RPIA: variants seen among roughly 807,000 people sequenced by gnomAD.
RPIA encodes the protein ribose 5-phosphate isomerase A, also known as ribose-5-phosphate isomerase.
A neutral mutation model predicts 37.8 loss-of-function variants in RPIA; 29 were observed. That is an observed-to-expected ratio of 0.77 (90% CI 0.57 to 1.05). The LOEUF is 1.05. RPIA is among the 50% of genes least tolerant of loss of function. The probability of loss-of-function intolerance (pLI) is 0.00; values close to 1 mark genes in which losing one functional copy is unlikely to be tolerated. For missense variants in RPIA, 385 were observed against 413.6 expected, an observed-to-expected ratio of 0.93 and a Z score of 0.60; for synonymous variants, 167 against 157.0, an observed-to-expected ratio of 1.06 and a Z score of -0.48.
intron 8 of RPIA, among the ~76,000 whole-genome samples, chr2:88,741,594 G>T (rs1026158000): frequency 5.3e-5 from 8 of 152,182 alleles, no homozygotes; most frequent in Non-Finnish European, 1.0e-4. Context: ...ATACCCAGTA[G>T]TGGTTTTGCT....
chr2:88,739,918 CTTTAGTTTGTTATTTTAG>C (rs1451269581), intron 8 of RPIA, among the ~76,000 whole-genome samples: 4 of 152,120 alleles, frequency 2.6e-5, no homozygotes, highest in Admixed American at 6.5e-5. Flanking sequence ...CCCAATTCTA[CTTTAGTTTGTTATTTTAG>C]TTTAGTTTGT....
At chr2:88,715,047 G>A (rs886609751) in intron 3 of RPIA, among the ~76,000 whole-genome samples, 1 of 152,190 alleles carries the variant, frequency 6.6e-6, no homozygotes, top group Non-Finnish European at 1.5e-5. Context: ...CCACACAATA[G>A]GTTCGTCACT....
At chr2:88,739,895 C>T (rs1460279015) in intron 8 of RPIA, among the ~76,000 whole-genome samples, 3 of 152,136 alleles carry the variant, frequency 2.0e-5, no homozygotes, top group African/African-American at 2.4e-5. Flanking sequence ...AGGTGTGAAC[C>T]GCTGTGCCTG....
chr2:88,691,905 C>T lies in RPIA; in HGVS notation c.207C>T (p.Cys69=). 6.3e-7 allele frequency: 1 copy of T among 1,594,834 alleles called. No homozygotes were observed. The highest frequency in any genetic ancestry group is 8.5e-7 in the Non-Finnish European group (1 of 1,171,690). Reference sequence around the variant, plus strand: ...GCTGCGGGGACTCCAACAGCATCTGCCCGGCCCCCTCCACGATGTCCAAGG... The same window carrying T: ...GCTGCGGGGACTCCAACAGCATCTGTCCGGCCCCCTCCACGATGTCCAAGG... The part of the protein sequence containing the change: ...STSCGDSNSI[C]PAPSTMSKAE... The change falls in exon 1 of 9, where the codon TGC becomes TGT. Residue 69 remains cysteine, a synonymous_variant. Coordinates refer to ENST00000283646, the MANE Select transcript of RPIA (RefSeq NM_144563.3).
intron 1 of RPIA, among the ~76,000 whole-genome samples, chr2:88,697,723 T>C (rs1205013876): frequency 2.6e-5 from 4 of 152,258 alleles, no homozygotes; most frequent in Non-Finnish European, 5.9e-5. Context: ...ATGAAGACTA[T>C]TTTTCATGTT....
intron 3 of RPIA, among the ~76,000 whole-genome samples, chr2:88,701,250 CTTT>C (rs566674003): frequency 2.8e-5 from 4 of 141,486 alleles, no homozygotes; most frequent in Non-Finnish European, 3.1e-5. Context: ...TTTTATATAG[CTTT>C]TTTTTTTTTT....
intron 8 of RPIA, among the ~76,000 whole-genome samples, chr2:88,748,210 G>A (rs763558677): frequency 3.3e-5 from 5 of 152,104 alleles, no homozygotes; most frequent in Admixed American, 6.5e-5. Flanking sequence ...TTACACTAGC[G>A]GTAGCCTGCT....
Position 88,729,300 on chromosome 2 carries a change from A to G in RPIA, c.425A>G (p.Tyr142Cys), listed in dbSNP as rs773970466. ...CAGGCCCGCCAGCTCATCCTGCAGTATGGCTTGACCCTCAGTGATCTGGAT... is the reference window on the plus strand; with the variant it reads ...CAGGCCCGCCAGCTCATCCTGCAGTGTGGCTTGACCCTCAGTGATCTGGAT... ...SFQARQLILQ[Y>C]GLTLSDLDRH... Residue 142 changes from tyrosine to cysteine, a missense_variant, in exon 4 of 9, where the codon TAT becomes TGT. Coordinates refer to ENST00000283646, the MANE Select transcript of RPIA (RefSeq NM_144563.3). 25 of 1,614,184 alleles carry G rather than the reference A, an allele frequency of 1.5e-5. No homozygotes were observed. The highest frequency in any genetic ancestry group is 2.1e-5 in the Non-Finnish European group (25 of 1,180,028).
chr2:88,709,308 G>A (rs557372624), intron 3 of RPIA, among the ~76,000 whole-genome samples: 143 of 152,346 alleles, frequency 9.4e-4, no homozygotes, highest in Non-Finnish European at 1.4e-3. Flanking sequence ...AACTCAGTGA[G>A]AGAACATTCA....
intron 3 of RPIA, among the ~76,000 whole-genome samples, chr2:88,712,999 G>A (rs1434344756): frequency 6.6e-6 from 1 of 151,008 alleles, no homozygotes; most frequent in Non-Finnish European, 1.5e-5. Flanking sequence ...CTCCCAAGTA[G>A]CTGGGAGTAC....
At chr2:88,709,385 AT>A (rs952834682) in intron 3 of RPIA, among the ~76,000 whole-genome samples, 3 of 152,214 alleles carry the variant, frequency 2.0e-5, no homozygotes, top group African/African-American at 7.2e-5. Context: ...CTTGCCAGAT[AT>A]CAGAAGGTCT....
intron 3 of RPIA, among the ~76,000 whole-genome samples, chr2:88,709,638 A>G (rs1014269624): frequency 2.6e-5 from 4 of 152,208 alleles, no homozygotes; most frequent in Non-Finnish European, 5.9e-5. Flanking sequence ...AGTCCATACT[A>G]TAATTTGCAA....
chr2:88,744,046 TG>T (rs745675384), intron 8 of RPIA, among the ~76,000 whole-genome samples: 2 of 152,180 alleles, frequency 1.3e-5, no homozygotes, highest in Non-Finnish European at 2.9e-5. Context: ...TTTCTTCTGT[TG>T]GGTTTGAGTG....
At chr2:88,712,699 C>T (rs893369564) in intron 3 of RPIA, among the ~76,000 whole-genome samples, 2 of 152,168 alleles carry the variant, frequency 1.3e-5, no homozygotes, top group Non-Finnish European at 2.9e-5. Flanking sequence ...TTTTCCAGCA[C>T]AGTGGGTATC....
chr2:88,729,009 C>A (rs566270284), intron 3 of RPIA, among the ~76,000 whole-genome samples: 1 of 152,320 alleles, frequency 6.6e-6, no homozygotes, highest in Admixed American at 6.5e-5. Context: ...GTGGCATTCT[C>A]TTTCATCACA....
intron 3 of RPIA, among the ~76,000 whole-genome samples, chr2:88,709,246 G>A (rs1672934100): frequency 6.6e-6 from 1 of 152,166 alleles, no homozygotes; most frequent in Admixed American, 6.5e-5. Context: ...TATTTGCTTC[G>A]ACGATATTTT....
In RPIA at chr2:88,750,356, C is replaced by CA; in HGVS notation, c.*278_*279insA. ...GTTCATGTTTTATATGAAATATTTA[C>CA]CAAAAAAAAAAAATGAGGTAAACTG... On this transcript the variant is annotated 3_prime_UTR_variant, in exon 9 of 9. Coordinates refer to ENST00000283646, the MANE Select transcript of RPIA (RefSeq NM_144563.3). 5.2e-6 allele frequency: 2 copies of CA among 381,526 alleles called. No individual in the cohort carries two copies. Among genetic ancestry groups the CA allele is most frequent in the Non-Finnish European group, 9.3e-6 (2 of 214,902 alleles). The allele number at this position is 381,526 out of a possible 1,614,324, so 23.6% of individuals were successfully genotyped here. A position where few individuals can be genotyped will look rare whatever the true frequency, so the allele number is the denominator to read the frequency against.
intron 7 of RPIA, among the ~76,000 whole-genome samples, chr2:88,737,471 C>T (rs772656446): frequency 6.6e-6 from 1 of 152,150 alleles, no homozygotes; most frequent in Non-Finnish European, 1.5e-5. Context: ...AGAAATGTAG[C>T]ACAAAATGGA....
intron 1 of RPIA, among the ~76,000 whole-genome samples, chr2:88,694,311 T>C (rs1392194628): frequency 2.0e-5 from 3 of 152,228 alleles, no homozygotes; most frequent in African/African-American, 4.8e-5. Flanking sequence ...TTGCAATTCC[T>C]GGTCTCTTTC....
Sources: allele counts gnomAD v4.1 joint callset (sites outside exome capture counted in the v4.1 genomes callset), GRCh38; gene constraint gnomAD v4.1.1; transcripts MANE v1.5; gene names NCBI Gene and HGNC (gene_info 2026-07-23, HGNC 2026-07-21).